Variants in PALLD observed in about 807,000 individuals in gnomAD.
PALLD encodes palladin.
Under a neutral mutation model 123.5 loss-of-function variants are expected in PALLD, and 61 were observed. The observed-to-expected ratio is 0.49, with a 90% CI of 0.40 to 0.61. The LOEUF is 0.61. Among genes scored for constraint, PALLD ranks in the 20% least tolerant of loss-of-function variants. PALLD has a pLI of 0.00. For synonymous variants in PALLD, 465 were observed against 496.4 expected (o/e 0.94, Z 0.84); for missense variants, 1,273 against 1,377.0 (o/e 0.92, Z 1.20).
intron 2 of PALLD, among the ~76,000 whole-genome samples, chr4:168,539,448 C>A (rs1323790779): frequency 6.6e-6 from 1 of 151,936 alleles, no homozygotes; most frequent in Non-Finnish European, 1.5e-5. Flanking sequence ...ATTAGCCACC[C>A]GTGGTGGCGC....
At chr4:168,894,100 T>G (rs1448645009) in intron 11 of PALLD, 1 of 188,810 alleles carries the variant, frequency 5.3e-6, no homozygotes, top group East Asian at 1.4e-4. Flanking sequence ...ACTGATAGAA[T>G]TATTTCCATT....
chr4:168,602,739 G>A (rs1018752763), intron 2 of PALLD, among the ~76,000 whole-genome samples: 7 of 152,092 alleles, frequency 4.6e-5, no homozygotes, highest in Admixed American at 2.0e-4. Context: ...CCTGGAGGGC[G>A]GCTTTGGAAA....
chr4:168,506,555 T>C (rs1376176134), intron 1 of PALLD, among the ~76,000 whole-genome samples: 1 of 152,120 alleles, frequency 6.6e-6, no homozygotes, highest in East Asian at 1.9e-4. Flanking sequence ...CTATAAATCA[T>C]CCCCGCTTTT....
At chr4:168,878,482 C>A (rs1374545080) in intron 10 of PALLD, 1 of 995,042 alleles carries the variant, frequency 1.0e-6, no homozygotes, top group South Asian at 2.0e-5. Context: ...GCGCTCCCAT[C>A]AGCCTGCAAC....
chr4:168,515,340 A>G (rs1211221457), intron 2 of PALLD, among the ~76,000 whole-genome samples: 10 of 152,238 alleles, frequency 6.6e-5, no homozygotes, highest in Non-Finnish European at 2.9e-5. Flanking sequence ...GGGGCATTTT[A>G]GAACCTGACT....
chr4:168,551,601 T>G (rs998954627), intron 2 of PALLD, among the ~76,000 whole-genome samples: 1 of 152,140 alleles, frequency 6.6e-6, no homozygotes, highest in African/African-American at 2.4e-5. Flanking sequence ...GGTACATATA[T>G]TAAGACTTTC....
intron 2 of PALLD, among the ~76,000 whole-genome samples, chr4:168,522,918 G>A (rs1286795317): frequency 6.6e-6 from 1 of 152,042 alleles, no homozygotes; most frequent in African/African-American, 2.4e-5. Context: ...AATACTAATT[G>A]CAAGTGAAAA....
chr4:168,922,274 A>G (rs939433037), intron 18 of PALLD, among the ~76,000 whole-genome samples: 3 of 152,160 alleles, frequency 2.0e-5, no homozygotes, highest in Admixed American at 2.0e-4. Flanking sequence ...TTATGCTTTG[A>G]GAAGCCTAAA....
In PALLD at chr4:168,554,368, C is replaced by T. The variant is rs547258912; in HGVS notation, c.908+41956C>T. Among the ~76,000 whole-genome samples, 5 of 152,270 alleles carry T rather than the reference C, an allele frequency of 3.3e-5. No homozygotes were observed. The East Asian group carries it at 7.7e-4, about 24-fold the overall frequency. On this transcript the variant is annotated intron_variant, in intron 2 of 21. Coordinates refer to ENST00000505667, the MANE Select transcript of PALLD (RefSeq NM_001166108.2). Reference sequence around the variant, plus strand: ...GTTTCTCTCTTACTCTTCAGACCGCCAATGATTAGTGGGGAAATCTACCAA... The same window carrying T: ...GTTTCTCTCTTACTCTTCAGACCGCTAATGATTAGTGGGGAAATCTACCAA...
chr4:168,613,779 GT>G (rs1287242148), intron 2 of PALLD, among the ~76,000 whole-genome samples: 3 of 152,144 alleles, frequency 2.0e-5, no homozygotes, highest in African/African-American at 7.2e-5. Flanking sequence ...ACTAGAACTC[GT>G]TATGGATAAA....
At chr4:168,594,176 T>G (rs1771742053) in intron 2 of PALLD, among the ~76,000 whole-genome samples, 1 of 151,894 alleles carries the variant, frequency 6.6e-6, no homozygotes, top group Admixed American at 6.6e-5. Flanking sequence ...AGGAAAAAAA[T>G]CAAAATGAAA....
In PALLD at chr4:168,515,914, C is replaced by T. The variant is rs17054284; in HGVS notation, c.908+3502C>T. Among the ~76,000 whole-genome samples, 1,032 of 152,258 alleles carry T rather than the reference C, an allele frequency of 6.8e-3. 6 individuals carry two copies. Among genetic ancestry groups the T allele is most frequent in the African/African-American group, 0.023 (973 of 41,538 alleles). On this transcript the variant is annotated intron_variant, in intron 2 of 21. Coordinates refer to ENST00000505667, the MANE Select transcript of PALLD (RefSeq NM_001166108.2). ...TGCTTTTGAAAGCTGGCATGATGAACCTTACAAATGTGGATAAAGAAGCCC... is the reference window on the plus strand; with the variant it reads ...TGCTTTTGAAAGCTGGCATGATGAATCTTACAAATGTGGATAAAGAAGCCC...
At chr4:168,919,522 T>TA (rs1209353195) in intron 17 of PALLD, among the ~76,000 whole-genome samples, 5,279 of 124,310 alleles carry the variant, frequency 0.042, 285 homozygotes, top group African/African-American at 0.13. Flanking sequence ...AAGACTGTCT[T>TA]AAAAAAAAAA....
chr4:168,823,721 C>T (rs1485203372), intron 10 of PALLD, among the ~76,000 whole-genome samples: 1 of 152,144 alleles, frequency 6.6e-6, no homozygotes, highest in African/African-American at 2.4e-5. Context: ...CACTACTTGG[C>T]CTAGAAAAGC....
chr4:168,896,588 G>T lies in PALLD; in HGVS notation c.2239G>T (p.Asp747Tyr), dbSNP rs991371952. The change falls in exon 13 of 22, where the codon GAT becomes TAT. Residue 747 changes from aspartate to tyrosine, a missense_variant. This residue lies in a region of PALLD where 944 missense variants were observed against 954.5 expected (regional missense o/e 0.99). Coordinates refer to ENST00000505667, the MANE Select transcript of PALLD (RefSeq NM_001166108.2). Reference protein sequence around the residue: ...SPHASVGSPLDGQKEYKVSSC... With the variant: ...SPHASVGSPLYGQKEYKVSSC... ...TCATGCTTCTGTAGGGAGTCCTCTG[G>T]ATGGTCAAAAGGTTAAGCTTTTCAC... The T allele has an allele frequency of 2.0e-6, 3 of 1,514,568 alleles. No homozygotes were observed. In the African/African-American group the frequency reaches 4.1e-5, roughly 21 times the overall value. The allele number at this position is 1,514,568 out of a possible 1,614,324, so 93.8% of individuals were successfully genotyped here.
chr4:168,668,326 C>A lies in PALLD; in HGVS notation c.1045C>A (p.Pro349Thr). The A allele has an allele frequency of 1.2e-6, 2 of 1,612,452 alleles. No homozygotes were observed. The highest frequency in any genetic ancestry group is 1.1e-5 in the South Asian group (1 of 90,844). Residue 349 changes from proline (P) to threonine (T), a missense_variant, in exon 3 of 22, where the codon CCC becomes ACC. Pro to Thr is a conservative substitution (Grantham distance 38). Coordinates refer to ENST00000505667, the MANE Select transcript of PALLD (RefSeq NM_001166108.2). ...TCGCTACACCTGTTTGGCTACGAAT[C>A]CCAGCGGCTCAGACACAACATCTGC... is the stretch of plus-strand genomic sequence containing the variant. ...TGRYTCLATNPSGSDTTSAEV... is the reference protein window; with the variant it reads ...TGRYTCLATNTSGSDTTSAEV...
intron 10 of PALLD, among the ~76,000 whole-genome samples, chr4:168,888,724 G>A (rs567808608): frequency 9.2e-5 from 14 of 152,166 alleles, no homozygotes; most frequent in Non-Finnish European, 1.9e-4. Context: ...AGGGGATTGA[G>A]ACCATTTAAA....
At chr4:168,824,270 T>A (rs1477832098) in intron 10 of PALLD, among the ~76,000 whole-genome samples, 1 of 152,020 alleles carries the variant, frequency 6.6e-6, no homozygotes, top group African/African-American at 2.4e-5. Context: ...GAAATACATT[T>A]TTTTATTTTT....
At chr4:168,715,732 C>T (rs1055918347) in intron 10 of PALLD, among the ~76,000 whole-genome samples, 6 of 152,142 alleles carry the variant, frequency 3.9e-5, no homozygotes, top group Non-Finnish European at 5.9e-5. Flanking sequence ...GGGCGGATCA[C>T]GAGGTCAGGA....
Sources: allele counts gnomAD v4.1 joint callset (sites outside exome capture counted in the v4.1 genomes callset), GRCh38; gene constraint gnomAD v4.1.1; regional missense constraint gnomAD v4.1.1; transcripts MANE v1.5; gene names NCBI Gene and HGNC (gene_info 2026-07-23, HGNC 2026-07-21).